TAB3: variants seen among roughly 807,000 people sequenced by gnomAD.
TAB3 encodes the protein TGF-beta activated kinase 1 (MAP3K7) binding protein 3.
Under a neutral mutation model 48.1 loss-of-function variants are expected in TAB3, and 18 were observed. That is an observed-to-expected ratio of 0.37 (90% CI 0.26 to 0.55). The LOEUF (loss-of-function observed/expected upper bound fraction) is 0.55. Ranked by LOEUF, TAB3 falls within the 20% of genes least tolerant of loss-of-function variation. The pLI, the probability that TAB3 is intolerant of heterozygous loss-of-function variation, is 0.78. For synonymous variants in TAB3, 185 were observed against 190.2 expected (o/e 0.97, Z 0.22); for missense variants, 414 against 549.8 (o/e 0.75, Z 2.47).
chrX:30,841,025 C>T (rs745481424), intron 9 of TAB3, among the ~76,000 whole-genome samples: 9 of 112,648 alleles, frequency 8.0e-5, no homozygotes, highest in African/African-American at 2.9e-4. Context: ...GCTAACTATA[C>T]ACCTCAGTGA....
chrX:30,841,409 C>T (rs1219666520), intron 9 of TAB3, among the ~76,000 whole-genome samples: 1 of 67,930 alleles, frequency 1.5e-5, no homozygotes, highest in African/African-American at 4.9e-5. Context: ...AGAGAGTCTC[C>T]ATCTCAAAAA....
intron 7 of TAB3, among the ~76,000 whole-genome samples, chrX:30,848,383 G>T (rs948236322): frequency 7.2e-5 from 8 of 111,448 alleles, no homozygotes; most frequent in Admixed American, 2.9e-4. Flanking sequence ...TTAGCTGGGC[G>T]TGGTGGTGCG....
Position 30,855,198 on chromosome X carries a change from G to C in TAB3, c.467C>G (p.Pro156Arg), listed in dbSNP as rs138335494. 1.2e-4 allele frequency: 149 copies of C among 1,210,089 alleles called. No homozygotes were observed. The highest frequency in any genetic ancestry group is 1.6e-4 in the Non-Finnish European group (147 of 895,271). Residue 156 changes from proline (P) to arginine (R), a missense_variant, in exon 6 of 11, where the codon CCA (proline) becomes CGA (arginine). Physicochemically the swap from Pro to Arg is moderately radical, Grantham distance 103. Transcript: ENST00000288422. ...TTGCATGGAAGATGGCTGTTGAGGTGGTTGTGAAGGAGGAGTAGCTGCACT... is the reference window on the plus strand; with the variant it reads ...TTGCATGGAAGATGGCTGTTGAGGTCGTTGTGAAGGAGGAGTAGCTGCACT... ...NRSAATPPSQ[P>R]PQQPSSMQTG...
intron 9 of TAB3, among the ~76,000 whole-genome samples, chrX:30,840,544 C>T (rs762574909): frequency 1.2e-4 from 13 of 111,194 alleles, no homozygotes; most frequent in African/African-American, 4.2e-4. Context: ...ATCTTGAATT[C>T]CCACATATTG....
intron 1 of TAB3, among the ~76,000 whole-genome samples, chrX:30,875,709 C>G (rs752394284): frequency 7.3e-4 from 82 of 112,323 alleles, no homozygotes; most frequent in Non-Finnish European, 1.4e-3. Flanking sequence ...TTGTCAAGGT[C>G]TAGCAATTGA....
At chrX:30,850,654 G>A (rs1313115613) in intron 7 of TAB3, among the ~76,000 whole-genome samples, 2 of 107,602 alleles carry the variant, frequency 1.9e-5, no homozygotes, top group African/African-American at 6.8e-5. Context: ...GGAGGTTGCC[G>A]TGAGCCGAGA....
intron 1 of TAB3, among the ~76,000 whole-genome samples, chrX:30,873,911 C>T (rs1188175726): frequency 4.5e-5 from 5 of 111,514 alleles, no homozygotes; most frequent in African/African-American, 6.5e-5. Flanking sequence ...CAGTAGCTCA[C>T]GCCTGTAATC....
chrX:30,873,954 C>T (rs566745664), intron 1 of TAB3, among the ~76,000 whole-genome samples: 2 of 110,957 alleles, frequency 1.8e-5, no homozygotes, highest in Admixed American at 1.9e-4. Flanking sequence ...CGGGAGGATC[C>T]CTTGATCCCA....
chrX:30,869,813 ATGTAT>A (rs1331079424), intron 2 of TAB3, among the ~76,000 whole-genome samples: 6 of 112,717 alleles, frequency 5.3e-5, no homozygotes, highest in South Asian at 3.6e-4. Context: ...TGATTTATTA[ATGTAT>A]TGTATAACAA....
At chrX:30,845,942 G>C (rs1467351508) in intron 8 of TAB3, 1 of 962,893 alleles carries the variant, frequency 1.0e-6, no homozygotes, top group East Asian at 6.9e-5. Flanking sequence ...CCAGAATGCA[G>C]CCTACTAGTC....
intron 1 of TAB3, among the ~76,000 whole-genome samples, chrX:30,878,501 CAAAAAAAAAAAAA>C (rs548109087): frequency 1.4e-4 from 7 of 51,706 alleles, no homozygotes; most frequent in African/African-American, 4.3e-4. Context: ...GACTCCATCT[CAAAAAAAAAAAAA>C]AAAAAGAAAG....
At chrX:30,840,922 A>G (rs192765135) in intron 9 of TAB3, among the ~76,000 whole-genome samples, 9 of 112,236 alleles carry the variant, frequency 8.0e-5, no homozygotes, top group African/African-American at 2.9e-4. Flanking sequence ...TCAATGAACT[A>G]AAGTTTGTCT....
chrX:30,867,269 T>G (rs1000093633), intron 3 of TAB3, 51 bp from the exon 4 acceptor site: 3 of 111,819 alleles, frequency 2.7e-5, no homozygotes, highest in Non-Finnish European at 5.6e-5. Context: ...AATCTGAATA[T>G]AGACTTCAGT....
At chrX:30,878,616 A>C (rs372254351) in intron 1 of TAB3, among the ~76,000 whole-genome samples, 2 of 111,542 alleles carry the variant, frequency 1.8e-5, no homozygotes, top group Non-Finnish European at 3.8e-5. Flanking sequence ...AAACTTGATC[A>C]ATGGACATAT....
Position 30,855,258 on chromosome X carries a change from T to G in TAB3, c.407A>C (p.Asn136Thr). Residue 136 changes from asparagine to threonine, a missense_variant, in exon 6 of 11, where the codon AAC becomes ACC. Transcript: ENST00000288422. ...SAPAVVAATP[N>T]YNPFFMNEQN... ...TTCGTTCATAAAAAATGGATTGTAG[T>G]TGGGAGTAGCAGCAACAACAGCTGG... 8.3e-7 allele frequency: 1 copy of G among 1,211,550 alleles called. No individual in the cohort carries two copies. Among genetic ancestry groups the G allele is most frequent in the East Asian group, 3.0e-5 (1 of 33,842 alleles).
intron 1 of TAB3, among the ~76,000 whole-genome samples, chrX:30,872,024 T>C (rs1480352662): frequency 8.9e-6 from 1 of 112,094 alleles, no homozygotes; most frequent in Non-Finnish European, 1.9e-5. Flanking sequence ...CTCGAGTGCC[T>C]AAGGTAGAGC....
intron 5 of TAB3, among the ~76,000 whole-genome samples, chrX:30,857,577 A>T (rs772208061): frequency 3.6e-5 from 4 of 111,421 alleles, no homozygotes; most frequent in Non-Finnish European, 7.5e-5. Flanking sequence ...ACACTGAGTT[A>T]GCCTACTTAG....
chrX:30,881,800 A>C (rs1160218761), intron 1 of TAB3, among the ~76,000 whole-genome samples: 1 of 112,078 alleles, frequency 8.9e-6, no homozygotes, highest in South Asian at 3.7e-4. Flanking sequence ...GAAGCTCTGA[A>C]TATGTCTAAA....
intron 9 of TAB3, among the ~76,000 whole-genome samples, chrX:30,840,264 C>A (rs1286924484): frequency 1.8e-5 from 2 of 110,933 alleles, no homozygotes; most frequent in East Asian, 5.6e-4. Flanking sequence ...TTCCTTTCTT[C>A]TACTTTGTTT....
Sources: gnomAD v4.1 joint callset for allele counts (sites outside exome capture counted in the v4.1 genomes callset) on GRCh38, gnomAD v4.1.1 for gene constraint, MANE v1.5 for transcripts, NCBI Gene and HGNC (gene_info 2026-07-23, HGNC 2026-07-21) for gene names.